The following KCNMB4 variants were observed in gnomAD, a reference collection of about 807,000 sequenced individuals.
KCNMB4 encodes potassium calcium-activated channel subfamily M regulatory beta subunit 4.
A neutral mutation model predicts 20.7 loss-of-function variants in KCNMB4; 3 were observed. The observed-to-expected ratio is 0.14, with a 90% CI of 0.07 to 0.37. The LOEUF (loss-of-function observed/expected upper bound fraction) is 0.37. Among genes scored for constraint, KCNMB4 ranks in the 10% least tolerant of loss-of-function variants. KCNMB4 has a pLI of 1.00. For synonymous variants in KCNMB4, 110 were observed against 113.4 expected, an observed-to-expected ratio of 0.97 and a Z score of 0.19; for missense variants, 168 against 265.9, an observed-to-expected ratio of 0.63 and a Z score of 2.56.
intron 2 of KCNMB4, among the ~76,000 whole-genome samples, chr12:70,408,535 A>G (rs1425118991): frequency 6.6e-6 from 1 of 152,110 alleles, no homozygotes; most frequent in Non-Finnish European, 1.5e-5. Context: ...GGCAAGCTGT[A>G]TTCCAGTGTT....
Position 70,387,977 on chromosome 12 carries a change from C to A in KCNMB4, c.337-12232C>A, listed in dbSNP as rs984761909. Among the ~76,000 whole-genome samples, 25 of 152,234 alleles carry A rather than the reference C, an allele frequency of 1.6e-4. 1 individual carries two copies. Among genetic ancestry groups the A allele is most frequent in the African/African-American group, 6.0e-4 (25 of 41,538 alleles). On this transcript the variant is annotated intron_variant, in intron 1 of 2. Transcript: ENST00000258111. ...CATCCCCACCTCCCCCACAGCCCTCCACTACCCTTCCTAGCTTCTGGTAAC... is the reference window on the plus strand; with the variant it reads ...CATCCCCACCTCCCCCACAGCCCTCAACTACCCTTCCTAGCTTCTGGTAAC...
At chr12:70,428,518 C>G (rs542775635) in intron 2 of KCNMB4, among the ~76,000 whole-genome samples, 1 of 152,162 alleles carries the variant, frequency 6.6e-6, no homozygotes, top group African/African-American at 2.4e-5. Context: ...AGCACTGTAC[C>G]TGGGAAAAGA....
chr12:70,391,204 T>C (rs1356595501), intron 1 of KCNMB4, among the ~76,000 whole-genome samples: 2 of 152,246 alleles, frequency 1.3e-5, no homozygotes, highest in Non-Finnish European at 2.9e-5. Context: ...GGTTATCTAT[T>C]TATTTTAATC....
intron 2 of KCNMB4, among the ~76,000 whole-genome samples, chr12:70,421,805 C>T (rs1298623455): frequency 6.6e-6 from 1 of 151,606 alleles, no homozygotes; most frequent in African/African-American, 2.4e-5. Context: ...ATGGTCTTGA[C>T]CCCCTGACCT....
Position 70,432,844 on chromosome 12 carries a change from T to C in KCNMB4, c.*2191T>C, listed in dbSNP as rs1212570509. ...CATTTTATCTTTATTCAGTTGTCTA[T>C]GATTAATTGATTACAGAGTAGTAGA... is the stretch of plus-strand genomic sequence containing the variant. On this transcript the variant is annotated 3_prime_UTR_variant, in exon 3 of 3. Transcript: ENST00000258111. 6.6e-6 allele frequency: 1 copy of C among 152,200 alleles called. No homozygotes were observed. Among genetic ancestry groups the C allele is most frequent in the Non-Finnish European group, 1.5e-5 (1 of 68,040 alleles). The allele number at this position is 152,200 out of a possible 1,614,324, so 9.4% of individuals were successfully genotyped here. A position where few individuals can be genotyped will look rare whatever the true frequency, so the allele number is the denominator to read the frequency against.
intron 1 of KCNMB4, among the ~76,000 whole-genome samples, chr12:70,372,804 G>A (rs1435978809): frequency 2.6e-5 from 4 of 152,132 alleles, no homozygotes; most frequent in African/African-American, 9.7e-5. Context: ...GTTCTACAGA[G>A]AGGTACAAAC....
At chr12:70,406,765 CT>C (rs1235718224) in intron 2 of KCNMB4, among the ~76,000 whole-genome samples, 1 of 152,188 alleles carries the variant, frequency 6.6e-6, no homozygotes, top group Non-Finnish European at 1.5e-5. Context: ...CTGCCTCCCC[CT>C]GACAGGGTTG....
chr12:70,375,684 A>G (rs910422614), intron 1 of KCNMB4, among the ~76,000 whole-genome samples: 1 of 152,066 alleles, frequency 6.6e-6, no homozygotes, highest in African/African-American at 2.4e-5. Flanking sequence ...CCTCGACCCA[A>G]TAAATCAAAA....
chr12:70,430,441 G>T, intron 2 of KCNMB4, 44 bp from the exon 3 acceptor site: 1 of 1,603,090 alleles, frequency 6.2e-7, no homozygotes, highest in South Asian at 1.1e-5. Flanking sequence ...TCAGTGCCAA[G>T]GCATTTGACT....
chr12:70,420,315 G>T (rs1465568367), intron 2 of KCNMB4, among the ~76,000 whole-genome samples: 1 of 152,138 alleles, frequency 6.6e-6, no homozygotes, highest in Non-Finnish European at 1.5e-5. Flanking sequence ...TATGATAAAA[G>T]GAACTTTGCA....
At chr12:70,368,428 A>C (rs940465095) in intron 1 of KCNMB4, among the ~76,000 whole-genome samples, 2 of 152,136 alleles carry the variant, frequency 1.3e-5, no homozygotes. Flanking sequence ...ACCTTAAAAA[A>C]TATCAATAAT....
chr12:70,390,484 G>A (rs1192533658), intron 1 of KCNMB4, among the ~76,000 whole-genome samples: 1 of 152,196 alleles, frequency 6.6e-6, no homozygotes, highest in South Asian at 2.1e-4. Flanking sequence ...ACTTGCCAAA[G>A]AAAGCATGGG....
intron 2 of KCNMB4, among the ~76,000 whole-genome samples, chr12:70,418,915 C>T (rs759949697): frequency 3.3e-5 from 5 of 152,116 alleles, no homozygotes; most frequent in East Asian, 1.9e-4. Flanking sequence ...GTGTTTGTAG[C>T]CTTTCTTATA....
chr12:70,427,094 C>T (rs1869235385), intron 2 of KCNMB4, among the ~76,000 whole-genome samples: 1 of 152,178 alleles, frequency 6.6e-6, no homozygotes, highest in Admixed American at 6.5e-5. Context: ...CCCGTCATGC[C>T]ATTTATCCAG....
intron 1 of KCNMB4, among the ~76,000 whole-genome samples, chr12:70,371,210 A>T (rs895505749): frequency 6.6e-6 from 1 of 152,170 alleles, no homozygotes; most frequent in Non-Finnish European, 1.5e-5. Context: ...AATAATAAAA[A>T]CCTAGAAACA....
intron 1 of KCNMB4, among the ~76,000 whole-genome samples, chr12:70,386,144 C>A (rs1293403653): frequency 6.6e-6 from 1 of 152,044 alleles, no homozygotes; most frequent in Non-Finnish European, 1.5e-5. Flanking sequence ...TCAGAGGTTT[C>A]TAAATTTTAT....
intron 2 of KCNMB4, among the ~76,000 whole-genome samples, chr12:70,411,344 A>G (rs1868770181): frequency 6.6e-6 from 1 of 152,218 alleles, no homozygotes; most frequent in Non-Finnish European, 1.5e-5. Context: ...GATGACACTG[A>G]GTCATCAAAA....
intron 1 of KCNMB4, among the ~76,000 whole-genome samples, chr12:70,369,778 T>C (rs1244620415): frequency 6.6e-6 from 1 of 152,206 alleles, no homozygotes; most frequent in Admixed American, 6.5e-5. Context: ...ATACCTTGAG[T>C]TCCTACTGAA....
At chr12:70,385,279 T>G (rs926084860) in intron 1 of KCNMB4, among the ~76,000 whole-genome samples, 28 of 152,204 alleles carry the variant, frequency 1.8e-4, no homozygotes, top group Admixed American at 5.2e-4. Context: ...GGAGCTTTCT[T>G]TCTGGCACAG....
Sources: gnomAD v4.1 joint callset for allele counts (sites outside exome capture counted in the v4.1 genomes callset) on GRCh38, gnomAD v4.1.1 for gene constraint, MANE v1.5 for transcripts, NCBI Gene and HGNC (gene_info 2026-07-23, HGNC 2026-07-21) for gene names.